The following NTM variants were observed in gnomAD, a reference collection of about 807,000 sequenced individuals.
NTM encodes the protein IgLON family member 2.
A neutral mutation model predicts 42.1 loss-of-function variants in NTM; 13 were observed. The observed-to-expected ratio is 0.31, with a 90% confidence interval of 0.20 to 0.49. NTM has a LOEUF of 0.49. Ranked by LOEUF, NTM falls within the 20% of genes least tolerant of loss-of-function variation. The pLI, the probability that NTM is intolerant of heterozygous loss-of-function variation, is 0.99. For missense variants in NTM, 373 were observed against 452.8 expected, an observed-to-expected ratio of 0.82 and a Z score of 1.60; for synonymous variants, 187 against 179.2, an observed-to-expected ratio of 1.04 and a Z score of -0.35.
chr11:131,448,485 T>A (rs1950235791), intron 1 of NTM, among the ~76,000 whole-genome samples: 1 of 152,148 alleles, frequency 6.6e-6, no homozygotes, highest in Admixed American at 6.5e-5. Context: ...GGTGGAGTAT[T>A]TGCTAGGATG....
At chr11:132,008,101 G>T (rs2071224261) in intron 2 of NTM, among the ~76,000 whole-genome samples, 1 of 152,214 alleles carries the variant, frequency 6.6e-6, no homozygotes, top group Non-Finnish European at 1.5e-5. Flanking sequence ...AGCAAGGCAA[G>T]AGGGGGCACA....
chr11:131,780,588 T>C (rs1440121970), intron 1 of NTM, among the ~76,000 whole-genome samples: 1 of 152,168 alleles, frequency 6.6e-6, no homozygotes, highest in Non-Finnish European at 1.5e-5. Flanking sequence ...AATGAGTGCT[T>C]CCAAGCTATT....
intron 1 of NTM, among the ~76,000 whole-genome samples, chr11:131,612,218 G>C (rs1248091889): frequency 6.6e-6 from 1 of 152,182 alleles, no homozygotes; most frequent in Non-Finnish European, 1.5e-5. Flanking sequence ...ACCCCTGCCT[G>C]CAACCCCAGT....
At chr11:132,108,620 C>T (rs1409289130) in intron 2 of NTM, among the ~76,000 whole-genome samples, 1 of 152,042 alleles carries the variant, frequency 6.6e-6, no homozygotes, top group East Asian at 1.9e-4. Flanking sequence ...TCTCAGAAAT[C>T]ACCACTAAAG....
intron 7 of NTM, among the ~76,000 whole-genome samples, chr11:132,317,998 A>T (rs1466661062): frequency 6.6e-6 from 1 of 152,220 alleles, no homozygotes; most frequent in African/African-American, 2.4e-5. Context: ...GACCCATAGG[A>T]AGACTACTTC....
intron 1 of NTM, among the ~76,000 whole-genome samples, chr11:131,581,740 G>A (rs938223479): frequency 4.6e-5 from 7 of 152,138 alleles, no homozygotes; most frequent in African/African-American, 1.7e-4. Flanking sequence ...GCCCAGGGCA[G>A]GAGACTGATC....
At chr11:132,041,705 C>T (rs2135786263) in intron 2 of NTM, among the ~76,000 whole-genome samples, 1 of 152,192 alleles carries the variant, frequency 6.6e-6, no homozygotes, top group Non-Finnish European at 1.5e-5. Flanking sequence ...CAGACAGCCC[C>T]CAGTACTGCT....
intron 2 of NTM, among the ~76,000 whole-genome samples, chr11:132,108,080 T>C (rs1214587712): frequency 6.6e-6 from 1 of 152,210 alleles, no homozygotes; most frequent in African/African-American, 2.4e-5. Flanking sequence ...TCCACGTTGT[T>C]GCTCACACCA....
chr11:131,969,290 G>A (rs887923013), intron 2 of NTM, among the ~76,000 whole-genome samples: 1 of 152,142 alleles, frequency 6.6e-6, no homozygotes, highest in African/African-American at 2.4e-5. Context: ...ATGACAGGTG[G>A]GGGCTTCATG....
At chr11:131,567,346 G>T (rs1037774730) in intron 1 of NTM, among the ~76,000 whole-genome samples, 4 of 152,100 alleles carry the variant, frequency 2.6e-5, no homozygotes, top group Admixed American at 2.0e-4. Flanking sequence ...AATTAGCCGG[G>T]CGTGATGGCA....
At chr11:132,225,818 C>T (rs113725804) in intron 4 of NTM, among the ~76,000 whole-genome samples, 6 of 152,176 alleles carry the variant, frequency 3.9e-5, no homozygotes, top group African/African-American at 1.2e-4. Context: ...CCCATCAACC[C>T]ATCATGTACA....
intron 2 of NTM, among the ~76,000 whole-genome samples, chr11:132,104,433 G>T (rs1213854222): frequency 1.3e-5 from 2 of 151,370 alleles, no homozygotes; most frequent in African/African-American, 2.4e-5. Context: ...AGTAGTAAAA[G>T]ATACAAAAAT....
intron 1 of NTM, among the ~76,000 whole-genome samples, chr11:131,631,210 G>A (rs368080661): frequency 2.0e-5 from 3 of 152,194 alleles, no homozygotes; most frequent in South Asian, 4.1e-4. Flanking sequence ...CTACTGTGAG[G>A]TGTTGTGAAG....
intron 2 of NTM, among the ~76,000 whole-genome samples, chr11:131,935,181 C>T (rs2059077726): frequency 6.6e-6 from 1 of 152,058 alleles, no homozygotes; most frequent in East Asian, 1.9e-4. Context: ...TTCTCGGCTA[C>T]CTTAAAGTAA....
chr11:132,307,431 G>C (rs1363136506), intron 4 of NTM, among the ~76,000 whole-genome samples: 3 of 152,302 alleles, frequency 2.0e-5, no homozygotes, highest in East Asian at 3.9e-4. Flanking sequence ...ATTGGGACCA[G>C]TAATTCTCTA....
chr11:131,887,552 C>G (rs1406055805), intron 1 of NTM, among the ~76,000 whole-genome samples: 2 of 152,210 alleles, frequency 1.3e-5, no homozygotes, highest in East Asian at 3.8e-4. Flanking sequence ...TGATTCCGCT[C>G]TCCAATTGGT....
At chr11:131,839,888 G>T (rs1360135192) in intron 1 of NTM, among the ~76,000 whole-genome samples, 1 of 152,196 alleles carries the variant, frequency 6.6e-6, no homozygotes, top group Non-Finnish European at 1.5e-5. Context: ...TATTTCCAAG[G>T]TAGAGAGACA....
chr11:131,502,082 G>C (rs550566736), intron 1 of NTM, among the ~76,000 whole-genome samples: 23 of 152,180 alleles, frequency 1.5e-4, no homozygotes, highest in Non-Finnish European at 3.1e-4. Context: ...AACTAGATGA[G>C]TGCTCACAGA....
At chr11:132,078,856 C>CCCCT (rs2058682623) in intron 2 of NTM, among the ~76,000 whole-genome samples, 1 of 152,114 alleles carries the variant, frequency 6.6e-6, no homozygotes, top group African/African-American at 2.4e-5. Flanking sequence ...TTCAAAACCT[C>CCCCT]TTTCCCCTTT....
Sources: allele counts gnomAD v4.1 joint callset (sites outside exome capture counted in the v4.1 genomes callset), GRCh38; gene constraint gnomAD v4.1.1; transcripts MANE v1.5; gene names NCBI Gene and HGNC (gene_info 2026-07-23, HGNC 2026-07-21).